The following GRIN2B variants were observed in gnomAD, a reference collection of about 807,000 sequenced individuals.
The protein encoded by GRIN2B is glutamate receptor ionotropic, NMDA 2B.
In GRIN2B, 5 loss-of-function variants were observed where a neutral mutation model predicts 114.5. That is an observed-to-expected ratio of 0.04 (90% CI 0.02 to 0.09). The LOEUF (loss-of-function observed/expected upper bound fraction) is 0.09. Ranked by LOEUF, GRIN2B falls within the 10% of genes least tolerant of loss-of-function variation. The probability of loss-of-function intolerance (pLI) is 1.00; values close to 1 mark genes in which losing one functional copy is unlikely to be tolerated. For synonymous variants in GRIN2B, 787 were observed against 745.1 expected (o/e 1.06, Z -0.92); for missense variants, 1,108 against 1,943.5 (o/e 0.57, Z 8.08).
At chr12:13,690,285 CCACACA>C (rs72073823) in intron 4 of GRIN2B, among the ~76,000 whole-genome samples, 57,224 of 144,604 alleles carry the variant, frequency 0.4, 12,642 homozygotes, top group Middle Eastern at 0.55. Flanking sequence ...CTATGTCACA[CCACACA>C]CACACACACA....
In GRIN2B at chr12:13,547,070, C is replaced by T. The variant is rs1001291852; in HGVS notation, c.*15713G>A. ...ATGATGAGAAAACCATGAAAAATTA[C>T]TGTCAAGGGTTTCTTTTAACAGTCT... On this transcript the variant is annotated 3_prime_UTR_variant, in exon 14 of 14. Transcript: ENST00000609686. The T allele has an allele frequency of 4.6e-5, 7 of 152,136 alleles. No homozygotes were observed. Among genetic ancestry groups the T allele is most frequent in the African/African-American group, 7.2e-5 (3 of 41,418 alleles). 9.4% of individuals were successfully genotyped at this position (152,136 alleles called of 1,614,324 possible).
chr12:13,963,625 T>C (rs1411822803), intron 2 of GRIN2B, among the ~76,000 whole-genome samples: 2 of 152,130 alleles, frequency 1.3e-5, no homozygotes, highest in Non-Finnish European at 2.9e-5. Context: ...AAGCTGGCAG[T>C]CAAAAGTTGA....
intron 2 of GRIN2B, among the ~76,000 whole-genome samples, chr12:13,920,944 A>T (rs1866811974): frequency 6.6e-6 from 1 of 152,212 alleles, no homozygotes; most frequent in African/African-American, 2.4e-5. Flanking sequence ...CTCAAGTTGC[A>T]GGATTTGTAC....
chr12:13,711,538 A>G (rs1950414207), intron 4 of GRIN2B, among the ~76,000 whole-genome samples: 1 of 152,166 alleles, frequency 6.6e-6, no homozygotes, highest in African/African-American at 2.4e-5. Context: ...ATAAGAAAAA[A>G]ACAAACAACC....
intron 4 of GRIN2B, among the ~76,000 whole-genome samples, chr12:13,676,115 C>T (rs1361837862): frequency 6.6e-6 from 1 of 152,070 alleles, no homozygotes; most frequent in Admixed American, 6.6e-5. Flanking sequence ...CGCATGTTCT[C>T]ACTTACAAGT....
At chr12:13,756,301 A>C (rs1404760635) in intron 3 of GRIN2B, among the ~76,000 whole-genome samples, 1 of 152,198 alleles carries the variant, frequency 6.6e-6, no homozygotes, top group Non-Finnish European at 1.5e-5. Flanking sequence ...GGCGTGAGCT[A>C]CTGCGCCCAT....
intron 2 of GRIN2B, among the ~76,000 whole-genome samples, chr12:13,903,876 C>T (rs1866497851): frequency 6.6e-6 from 1 of 151,796 alleles, no homozygotes; most frequent in African/African-American, 2.4e-5. Context: ...TTGAGATTTG[C>T]TACTAGGTTC....
At chr12:13,569,774 T>C in intron 12 of GRIN2B, 56 bp downstream of exon 12, 3 of 1,086,096 alleles carry the variant, frequency 2.8e-6, no homozygotes, top group Non-Finnish European at 4.1e-6. Flanking sequence ...AAGGTTGATG[T>C]TTTGGACTGG....
intron 2 of GRIN2B, among the ~76,000 whole-genome samples, chr12:13,911,621 C>G (rs1309233753): frequency 6.6e-6 from 1 of 152,092 alleles, no homozygotes; most frequent in Non-Finnish European, 1.5e-5. Context: ...GATTTCTTCT[C>G]CCTCCCTTTT....
intron 2 of GRIN2B, among the ~76,000 whole-genome samples, chr12:13,915,861 A>T (rs148873719): frequency 0.013 from 2,012 of 152,082 alleles, 23 homozygotes; most frequent in Middle Eastern, 0.031. Flanking sequence ...TGGCGTGATG[A>T]GGCAGGAAAA....
intron 3 of GRIN2B, among the ~76,000 whole-genome samples, chr12:13,776,975 T>C (rs1458254650): frequency 6.6e-6 from 1 of 152,128 alleles, no homozygotes; most frequent in African/African-American, 2.4e-5. Context: ...CAGGAGAGAT[T>C]AATAATACAG....
chr12:13,547,981 A>ATATATATATATATATTTTTTTTTTTTT lies in GRIN2B; in HGVS notation c.*14801_*14802insAAAAAAAAAAAAATATATATATATATA. ...TGTGTATATATATATATATATATATATTTTTTTTTTTTTTCTGAAAGCTAC... is the reference window on the plus strand; with the variant it reads ...TGTGTATATATATATATATATATATATATATATATATATATTTTTTTTTTTTTTTTTTTTTTTTTTTCTGAAAGCTAC... On this transcript the variant is annotated 3_prime_UTR_variant, in exon 14 of 14. Coordinates refer to ENST00000609686, the MANE Select transcript of GRIN2B (RefSeq NM_000834.5). The ATATATATATATATATTTTTTTTTTTTT allele has an allele frequency of 5.0e-4, 34 of 68,498 alleles. No individual in the cohort carries two copies. Among genetic ancestry groups the ATATATATATATATATTTTTTTTTTTTT allele is most frequent in the East Asian group, 1.2e-3 (2 of 1,736 alleles). The allele number at this position is 68,498 out of a possible 1,614,324, so 4.2% of individuals were successfully genotyped here.
intron 2 of GRIN2B, among the ~76,000 whole-genome samples, chr12:13,975,942 AC>A (rs1474678888): frequency 1.3e-5 from 2 of 152,260 alleles, no homozygotes; most frequent in Non-Finnish European, 2.9e-5. Context: ...TGCTGAAAGT[AC>A]TAGGAAGTGA....
chr12:13,662,821 C>T (rs553269665), intron 5 of GRIN2B, among the ~76,000 whole-genome samples: 1 of 152,266 alleles, frequency 6.6e-6, no homozygotes, highest in South Asian at 2.1e-4. Flanking sequence ...GGGCTACTGG[C>T]TCTGTCCTCC....
intron 5 of GRIN2B, among the ~76,000 whole-genome samples, chr12:13,666,585 G>T (rs576317905): frequency 2.6e-5 from 4 of 151,954 alleles, no homozygotes; most frequent in African/African-American, 4.8e-5. Flanking sequence ...TTATTTTTTT[G>T]TTGTTGTTGG....
intron 4 of GRIN2B, among the ~76,000 whole-genome samples, chr12:13,688,282 G>C (rs1171785465): frequency 6.6e-6 from 1 of 152,102 alleles, no homozygotes; most frequent in South Asian, 2.1e-4. Context: ...CCAAGCCCTA[G>C]GCTCTTGATT....
chr12:13,899,499 G>C (rs1866408849), intron 2 of GRIN2B, among the ~76,000 whole-genome samples: 1 of 125,826 alleles, frequency 7.9e-6, no homozygotes, highest in Non-Finnish European at 2.0e-5. Context: ...TGTCCAGAGG[G>C]GTGTTGTCTC....
intron 10 of GRIN2B, among the ~76,000 whole-genome samples, chr12:13,593,980 T>C (rs1949040646): frequency 6.6e-6 from 1 of 152,108 alleles, no homozygotes; most frequent in African/African-American, 2.4e-5. Flanking sequence ...TGAGATACCA[T>C]CTCATGCCAG....
intron 10 of GRIN2B, among the ~76,000 whole-genome samples, chr12:13,579,842 C>T (rs1230593105): frequency 3.3e-5 from 5 of 152,130 alleles, no homozygotes; most frequent in South Asian, 4.1e-4. Context: ...CAGAGGTGCA[C>T]GCCATTGACA....
Sources: gnomAD v4.1 joint callset for allele counts (sites outside exome capture counted in the v4.1 genomes callset) on GRCh38, gnomAD v4.1.1 for gene constraint, MANE v1.5 for transcripts, NCBI Gene and HGNC (gene_info 2026-07-23, HGNC 2026-07-21) for gene names.